Variants in SYT1 observed in about 807,000 individuals in gnomAD.
The protein encoded by SYT1 is synaptotagmin 1.
A neutral mutation model predicts 44.8 loss-of-function variants in SYT1; 8 were observed. That is an observed-to-expected ratio of 0.18 (90% confidence interval 0.10 to 0.32). SYT1 has a LOEUF of 0.32. SYT1 is among the 10% of genes least tolerant of loss of function. SYT1 has a pLI of 1.00. For synonymous variants in SYT1, 154 were observed against 188.8 expected (o/e 0.82, Z 1.51); for missense variants, 286 against 509.3 (o/e 0.56, Z 4.22).
chr12:79,158,617 G>A (rs911285943), intron 3 of SYT1, among the ~76,000 whole-genome samples: 1 of 152,004 alleles, frequency 6.6e-6, no homozygotes, highest in Non-Finnish European at 1.5e-5. Flanking sequence ...ATGATAAAAG[G>A]CCAGGCATGG....
At chr12:79,292,730 G>C (rs889027386) in intron 6 of SYT1, among the ~76,000 whole-genome samples, 4 of 152,046 alleles carry the variant, frequency 2.6e-5, no homozygotes, top group Non-Finnish European at 5.9e-5. Flanking sequence ...TGCCCAAAAA[G>C]TGACAAGGAA....
At chr12:79,093,876 T>G (rs1269578342) in intron 3 of SYT1, among the ~76,000 whole-genome samples, 1 of 151,686 alleles carries the variant, frequency 6.6e-6, no homozygotes. Flanking sequence ...TATTTTCCAG[T>G]GAAAATCTAG....
intron 4 of SYT1, among the ~76,000 whole-genome samples, chr12:79,221,173 T>G (rs1003082854): frequency 2.6e-5 from 4 of 152,208 alleles, no homozygotes; most frequent in Non-Finnish European, 4.4e-5. Context: ...TATCATTATA[T>G]AATGACCTTT....
In SYT1 at chr12:79,263,257, CCTT is replaced by C. The variant is rs1413901891; in HGVS notation, c.167-22524_167-22522del. Reference sequence around the variant, plus strand: ...CTTCTTTGTTGTTCTTTCTTAAGATCCTTCTTCTGGTGATTTTTTTTTTTTTTT... The same window carrying C: ...CTTCTTTGTTGTTCTTTCTTAAGATCCTTCTGGTGATTTTTTTTTTTTTTT... On this transcript the variant is annotated intron_variant, in intron 4 of 10. Transcript: ENST00000261205. Among the ~76,000 whole-genome samples the C allele has an allele frequency of 9.6e-5, 14 of 146,008 alleles. No individual in the cohort carries two copies. The East Asian group carries it at 2.8e-3, about 29-fold the overall frequency.
At chr12:79,317,876 C>T (rs1460417167) in intron 8 of SYT1, among the ~76,000 whole-genome samples, 1 of 151,896 alleles carries the variant, frequency 6.6e-6, no homozygotes, top group Non-Finnish European at 1.5e-5. Context: ...TAATTTGGAC[C>T]GTATTAGTCA....
chr12:79,171,128 C>T lies in SYT1; in HGVS notation c.-17-46375C>T, dbSNP rs577548552. 4.1e-3 allele frequency among the ~76,000 whole-genome samples: 616 copies of T among 151,928 alleles called. 4 individuals are homozygous for T. The highest frequency in any genetic ancestry group is 0.014 in the African/African-American group (579 of 41,488). ...TATAGTTTGAAGTTGGGTAGTGTGA[C>T]GCCTCCAGCTTTGTTCTTTTGCTTA... On this transcript the variant is annotated intron_variant, in intron 3 of 10. Transcript: ENST00000261205.
At chr12:79,200,050 C>T (rs569052022) in intron 3 of SYT1, among the ~76,000 whole-genome samples, 10 of 151,862 alleles carry the variant, frequency 6.6e-5, no homozygotes, top group African/African-American at 2.4e-4. Context: ...ACATCTTAAC[C>T]ACAAGAGATT....
chr12:79,217,468 T>G, intron 3 of SYT1, 35 bp from the exon 4 acceptor site: 3 of 1,484,236 alleles, frequency 2.0e-6, no homozygotes, highest in Non-Finnish European at 1.8e-6. Flanking sequence ...TAAGCCATTT[T>G]GAATTGTTCT....
rs183091984 is a variant in SYT1, at chr12:79,037,351, T to G, written c.-83-9946T>G. ...ATCCTGCCTCATTGTCATCCCCCCT[T>G]TCTAAAATAATTATTTTGAGTATAA... On this transcript the variant is annotated intron_variant, in intron 2 of 10. Coordinates refer to ENST00000261205, the MANE Select transcript of SYT1 (RefSeq NM_005639.3). Among the ~76,000 whole-genome samples, 6 of 151,848 alleles carry G rather than the reference T, an allele frequency of 4.0e-5. No individual in the cohort carries two copies. In the East Asian group the frequency reaches 1.2e-3, roughly 30 times the overall value.
intron 9 of SYT1, among the ~76,000 whole-genome samples, chr12:79,410,062 GT>G (rs888495592): frequency 6.6e-6 from 1 of 152,042 alleles, no homozygotes; most frequent in African/African-American, 2.4e-5. Context: ...TGCTGAGTGT[GT>G]TTACAGAGGC....
chr12:79,281,161 A>T (rs1879033311), intron 4 of SYT1, among the ~76,000 whole-genome samples: 1 of 152,096 alleles, frequency 6.6e-6, no homozygotes, highest in Non-Finnish European at 1.5e-5. Context: ...TATCTACCCA[A>T]AGAAAAAGAA....
chr12:79,064,254 G>T (rs1456227267), intron 3 of SYT1, among the ~76,000 whole-genome samples: 1 of 152,066 alleles, frequency 6.6e-6, no homozygotes, highest in African/African-American at 2.4e-5. Context: ...AAGGAAAGAG[G>T]GAGTAAGGAA....
intron 8 of SYT1, among the ~76,000 whole-genome samples, chr12:79,340,828 C>A (rs922629050): frequency 1.3e-5 from 2 of 152,156 alleles, no homozygotes; most frequent in Non-Finnish European, 2.9e-5. Context: ...TACCTCAGCA[C>A]ACTATAGCAT....
chr12:79,022,426 A>T (rs1386372660), intron 2 of SYT1, among the ~76,000 whole-genome samples: 1 of 151,840 alleles, frequency 6.6e-6, no homozygotes, highest in Non-Finnish European at 1.5e-5. Flanking sequence ...AACTATTTTC[A>T]TTATAATACC....
chr12:79,172,726 T>C (rs1185385569), intron 3 of SYT1, among the ~76,000 whole-genome samples: 1 of 151,660 alleles, frequency 6.6e-6, no homozygotes, highest in African/African-American at 2.4e-5. Context: ...ACAGTTTTGA[T>C]TATGAAACTT....
At chr12:79,416,228 A>C (rs116347467) in intron 9 of SYT1, among the ~76,000 whole-genome samples, 1 of 152,196 alleles carries the variant, frequency 6.6e-6, no homozygotes, top group African/African-American at 2.4e-5. Flanking sequence ...AGTTCAGGGA[A>C]TTGAATAAGA....
rs143526036 is a variant in SYT1, at chr12:79,106,067, G to C, written c.-18+58705G>C. On this transcript the variant is annotated intron_variant, in intron 3 of 10. Transcript: ENST00000261205. ...GACGGTGGGGAAGGAACCAGTTTGAGTCAGAAGAAATTGAGTGAACTGTAG... is the reference window on the plus strand; with the variant it reads ...GACGGTGGGGAAGGAACCAGTTTGACTCAGAAGAAATTGAGTGAACTGTAG... Among the ~76,000 whole-genome samples, 440 of 152,224 alleles carry C rather than the reference G, an allele frequency of 2.9e-3. 6 individuals are homozygous for C. In the South Asian group the frequency reaches 0.029, roughly 10 times the overall value.
At chr12:78,881,765 G>T (rs1320641423) in intron 1 of SYT1, among the ~76,000 whole-genome samples, 1 of 150,686 alleles carries the variant, frequency 6.6e-6, no homozygotes, top group Non-Finnish European at 1.5e-5. Flanking sequence ...GAAGGGAAAA[G>T]ATAGAAAAAA....
intron 3 of SYT1, among the ~76,000 whole-genome samples, chr12:79,194,804 G>A (rs1873348761): frequency 6.6e-6 from 1 of 151,970 alleles, no homozygotes; most frequent in African/African-American, 2.4e-5. Flanking sequence ...TTATTATGTG[G>A]CAGTGAATAT....
Sources: allele counts gnomAD v4.1 joint callset (sites outside exome capture counted in the v4.1 genomes callset), GRCh38; gene constraint gnomAD v4.1.1; transcripts MANE v1.5; gene names NCBI Gene and HGNC (gene_info 2026-07-23, HGNC 2026-07-21).